Variants in KDM3B observed in about 807,000 individuals in gnomAD.
KDM3B encodes the protein lysine demethylase 3B, also known as lysine-specific demethylase 3B.
Under a neutral mutation model 170.0 loss-of-function variants are expected in KDM3B, and 10 were observed. The ratio of observed to expected loss-of-function variants is 0.06; its 90% CI spans 0.04 to 0.10. The LOEUF (loss-of-function observed/expected upper bound fraction) is 0.10. KDM3B is among the 10% of genes least tolerant of loss of function. The pLI, the probability that KDM3B is intolerant of heterozygous loss-of-function variation, is 1.00. For missense variants in KDM3B, 1,394 were observed against 2,195.2 expected (o/e 0.64, Z 7.29); for synonymous variants, 831 against 834.8 (o/e 1.00, Z 0.08).
chr5:138,429,469 C>T (rs1413592337), intron 20 of KDM3B, among the ~76,000 whole-genome samples: 2 of 152,166 alleles, frequency 1.3e-5, no homozygotes, highest in Admixed American at 6.5e-5. Flanking sequence ...GCTTTGTAGG[C>T]TTAAATCCAG....
rs142429503 is a variant in KDM3B, at chr5:138,397,153, A to T, written c.2832-1025A>T. On this transcript the variant is annotated intron_variant, in intron 9 of 23. Transcript: ENST00000314358. ...AGACCATCCTGGCTTAACATGGTAA[A>T]ACCCCGTCTCTACTAAAAATACAAA... Among the ~76,000 whole-genome samples the T allele has an allele frequency of 6.9e-3, 1,046 of 152,060 alleles. 3 individuals carry two copies. Among genetic ancestry groups the T allele is most frequent in the Non-Finnish European group, 9.8e-3 (669 of 67,950 alleles).
intron 11 of KDM3B, among the ~76,000 whole-genome samples, chr5:138,412,983 A>G (rs2126981055): frequency 6.6e-6 from 1 of 152,338 alleles, no homozygotes; most frequent in East Asian, 1.9e-4. Flanking sequence ...CAAAAAATAT[A>G]GTCGATGGCA....
chr5:138,377,862 T>G, intron 4 of KDM3B, 37 bp downstream of exon 4: 1 of 1,439,856 alleles, frequency 6.9e-7, no homozygotes, highest in Non-Finnish European at 9.8e-7. Context: ...GAACTCTGAT[T>G]CAGGTGAATG....
chr5:138,386,039 A>G lies in KDM3B; in HGVS notation c.798A>G (p.Ala266=), dbSNP rs779682940. 4 of 1,606,596 alleles carry G rather than the reference A, an allele frequency of 2.5e-6. No homozygotes were observed. In the East Asian group the frequency reaches 6.7e-5, roughly 27 times the overall value. ...APQSEGGTLK[A]VKSSKGKKKR... is the part of the protein sequence containing the mutation. ...TTTTGTAGGGGGGTACGTTAAAAGC[A>G]GTAAAATCTTCCAAAGGAAAGAAGA... The change falls in exon 7 of 24, where the codon GCA becomes GCG. Residue 266 remains alanine (A), a synonymous_variant. Coordinates refer to ENST00000314358, the MANE Select transcript of KDM3B (RefSeq NM_016604.4).
chr5:138,419,434 C>T (rs1580945851), intron 14 of KDM3B, among the ~76,000 whole-genome samples: 1 of 151,880 alleles, frequency 6.6e-6, no homozygotes, highest in Admixed American at 6.6e-5. Flanking sequence ...GCGGGCAGAT[C>T]GCGAGGTCAG....
chr5:138,376,169 G>A (rs1391840735), intron 3 of KDM3B, among the ~76,000 whole-genome samples: 1 of 151,376 alleles, frequency 6.6e-6, no homozygotes, highest in East Asian at 2.0e-4. Flanking sequence ...GTAGAGACGG[G>A]GTTTTGCCAT....
intron 7 of KDM3B, among the ~76,000 whole-genome samples, chr5:138,390,035 A>G (rs1762389156): frequency 6.6e-6 from 1 of 151,526 alleles, no homozygotes; most frequent in African/African-American, 2.4e-5. Context: ...CATTTTTTGT[A>G]TTTTTAGTAG....
rs368200225 is a variant in KDM3B at position 138,430,445 on chromosome 5, T to C, written c.5070+20T>C. On this transcript the variant is annotated intron_variant, in intron 22 of 23. Coordinates refer to ENST00000314358, the MANE Select transcript of KDM3B (RefSeq NM_016604.4). ...CACCAGGTGGGTTCCTGCTTGGGGG[T>C]TGGGCTGAACAGTTCCATGGGCTTT... The C allele has an allele frequency of 1.3e-5, 21 of 1,611,390 alleles. No homozygotes were observed. In the East Asian group the frequency reaches 1.8e-4, roughly 14 times the overall value.
chr5:138,403,496 T>G (rs1047413465), intron 11 of KDM3B, among the ~76,000 whole-genome samples: 1 of 151,426 alleles, frequency 6.6e-6, no homozygotes, highest in Non-Finnish European at 1.5e-5. Flanking sequence ...GCCAACATGT[T>G]GAAACCCCGT....
chr5:138,391,830 C>G lies in KDM3B; in HGVS notation c.2198C>G (p.Thr733Ser). 6.2e-7 allele frequency: 1 copy of G among 1,614,186 alleles called. No individual in the cohort carries two copies. Among genetic ancestry groups the G allele is most frequent in the Non-Finnish European group, 8.5e-7 (1 of 1,180,030 alleles). The change falls in exon 8 of 24, where the codon ACT becomes AGT. Residue 733 changes from threonine to serine, a missense_variant. This residue lies in a region of KDM3B where 294 missense variants were observed against 311.7 expected (regional missense o/e 0.94). Coordinates refer to ENST00000314358, the MANE Select transcript of KDM3B (RefSeq NM_016604.4). This position sits in a 1 kb window ranked among gnomAD's most constrained non-coding sequence, Gnocchi z 5.0. ...GRSSSPTSSL[T>S]QPIEMPTLSS... ...TCCAGCTCGCCCACCAGCAGCCTCA[C>G]TCAGCCCATTGAGATGCCAACTCTC...
chr5:138,377,412 A>C (rs1380378358), intron 3 of KDM3B, among the ~76,000 whole-genome samples: 1 of 150,036 alleles, frequency 6.7e-6, no homozygotes, highest in Admixed American at 6.7e-5. Context: ...TCTCATGAGA[A>C]TAGAGTTCTC....
chr5:138,435,185 AT>A (rs1197120810), intron 23 of KDM3B, among the ~76,000 whole-genome samples: 1 of 152,232 alleles, frequency 6.6e-6, no homozygotes, highest in Non-Finnish European at 1.5e-5. Flanking sequence ...GTTTTAATGC[AT>A]CCTTATTAGC....
intron 11 of KDM3B, among the ~76,000 whole-genome samples, chr5:138,411,639 A>G (rs1196477218): frequency 6.6e-6 from 1 of 152,148 alleles, no homozygotes; most frequent in African/African-American, 2.4e-5. Context: ...CACTAAAGAA[A>G]TATTTCTTAG....
intron 11 of KDM3B, among the ~76,000 whole-genome samples, chr5:138,405,907 G>T (rs748860748): frequency 2.6e-5 from 4 of 152,166 alleles, no homozygotes; most frequent in Non-Finnish European, 4.4e-5. Flanking sequence ...GATAGACTTT[G>T]ATAAGTTGAA....
At chr5:138,373,330 C>A (rs115710061) in intron 2 of KDM3B, among the ~76,000 whole-genome samples, 1,956 of 152,030 alleles carry the variant, frequency 0.013, 42 homozygotes, top group African/African-American at 0.044. Flanking sequence ...CAGAGTGAGA[C>A]CCCTGTCTCA....
intron 1 of KDM3B, among the ~76,000 whole-genome samples, chr5:138,355,737 G>C (rs1460910171): frequency 1.3e-5 from 2 of 152,072 alleles, no homozygotes; most frequent in South Asian, 2.1e-4. Flanking sequence ...AAGTTGCAGA[G>C]ACCTTGGGAC....
intron 1 of KDM3B, among the ~76,000 whole-genome samples, chr5:138,371,159 T>C (rs1761864320): frequency 6.6e-6 from 1 of 152,030 alleles, no homozygotes; most frequent in African/African-American, 2.4e-5. Flanking sequence ...TCAGAATTTA[T>C]ATAGAAAGTC....
chr5:138,394,704 C>A (rs147688815), intron 9 of KDM3B, among the ~76,000 whole-genome samples: 1 of 152,210 alleles, frequency 6.6e-6, no homozygotes, highest in Non-Finnish European at 1.5e-5. Context: ...ATTCCAAAGG[C>A]CTTGGTTTTT....
At chr5:138,421,081 A>G (rs1472833018) in intron 15 of KDM3B, 119 bp downstream of exon 15, 4 of 1,194,864 alleles carry the variant, frequency 3.3e-6, no homozygotes, top group Non-Finnish European at 4.8e-6. Context: ...TCAAGCTGAC[A>G]AGGTCTCTCT....
Sources: allele counts gnomAD v4.1 joint callset (sites outside exome capture counted in the v4.1 genomes callset), GRCh38; gene constraint gnomAD v4.1.1; regional missense constraint gnomAD v4.1.1; non-coding constraint Gnocchi (gnomAD v3.1); transcripts MANE v1.5; gene names NCBI Gene and HGNC (gene_info 2026-07-23, HGNC 2026-07-21).